Variants in ECD observed in about 807,000 individuals in gnomAD.
The protein encoded by ECD is protein ecdysoneless homolog.
ECD carries 59 observed loss-of-function variants against 77.2 expected under a neutral mutation model. The observed-to-expected ratio is 0.76, with a 90% confidence interval of 0.62 to 0.95. The LOEUF is 0.95. Among genes scored for constraint, ECD ranks in the 40% least tolerant of loss-of-function variants. The pLI is 0.00. For synonymous variants in ECD, 233 were observed against 267.4 expected, an observed-to-expected ratio of 0.87 and a Z score of 1.26; for missense variants, 704 against 763.4, an observed-to-expected ratio of 0.92 and a Z score of 0.92.
chr10:73,163,981 A>T (rs955673930), intron 1 of ECD, 31 bp from the exon 2 acceptor site: 2 of 1,575,934 alleles, frequency 1.3e-6, no homozygotes, highest in Admixed American at 3.4e-5. Context: ...TATAAACCAC[A>T]TAGAACAATG....
Position 73,139,690 on chromosome 10 carries a change from G to T in ECD, c.1175C>A (p.Thr392Lys). Residue 392 changes from threonine (T) to lysine (K), a missense_variant, in exon 10 of 14, where the codon ACA becomes AAA. This residue lies in a region of ECD where 559 missense variants were observed against 583.7 expected (regional missense o/e 0.96). Coordinates refer to ENST00000372979, the MANE Select transcript of ECD (RefSeq NM_007265.3). ...PGEEILTLLQ[T>K]IPFDIEDLKK... ...AAGGTCTTCTATATCAAATGGTATT[G>T]TCTGTAATAAGGTTAAGATTTCTTC... The T allele has an allele frequency of 6.2e-7, 1 of 1,610,960 alleles. No individual in the cohort carries two copies. The highest frequency in any genetic ancestry group is 1.3e-5 in the African/African-American group (1 of 74,694).
chr10:73,138,081 A>G lies in ECD; in HGVS notation c.1422-11T>C. 3 of 1,568,936 alleles carry G rather than the reference A, an allele frequency of 1.9e-6. No individual in the cohort carries two copies. Among genetic ancestry groups the G allele is most frequent in the Non-Finnish European group, 2.6e-6 (3 of 1,161,024 alleles). On this transcript the variant is annotated splice_polypyrimidine_tract_variant and intron_variant, in intron 11 of 13. Coordinates refer to ENST00000372979, the MANE Select transcript of ECD (RefSeq NM_007265.3). ...GCCTCAGAAGGTTCTCTGCAATATT[A>G]AAGGACAAAGACAATTAATTTATTC... is the stretch of plus-strand genomic sequence containing the variant.
chr10:73,155,308 C>T (rs1268282216), intron 5 of ECD, among the ~76,000 whole-genome samples: 1 of 151,984 alleles, frequency 6.6e-6, no homozygotes, highest in Non-Finnish European at 1.5e-5. Context: ...CCTTGTGATC[C>T]ACCCGCCCTG....
intron 12 of ECD, among the ~76,000 whole-genome samples, chr10:73,137,503 C>T (rs1249785886): frequency 1.3e-5 from 2 of 152,254 alleles, no homozygotes; most frequent in South Asian, 4.1e-4. Flanking sequence ...AGGCCGGGCA[C>T]GGTGGCTCAC....
intron 12 of ECD, among the ~76,000 whole-genome samples, chr10:73,137,528 C>G (rs1052110549): frequency 2.0e-5 from 3 of 152,126 alleles, no homozygotes; most frequent in African/African-American, 7.2e-5. Flanking sequence ...GTAATCCCAG[C>G]ACTTTGGTAG....
chr10:73,161,486 C>G (rs946096474), intron 2 of ECD, among the ~76,000 whole-genome samples: 14 of 152,090 alleles, frequency 9.2e-5, no homozygotes, highest in Non-Finnish European at 2.1e-4. Context: ...GAAACACAAC[C>G]TGTCAAGACT....
In ECD at chr10:73,154,244, T is replaced by C. The variant is rs760858573; in HGVS notation, c.783+12A>G. On this transcript the variant is annotated intron_variant, in intron 6 of 13. Transcript: ENST00000372979. Reference sequence around the variant, plus strand: ...AGTAAGAGAAACTAAATGACCAAGATAGAAATCTCACCGATGTCATTATTC... The same window carrying C: ...AGTAAGAGAAACTAAATGACCAAGACAGAAATCTCACCGATGTCATTATTC... 11 of 1,577,290 alleles carry C rather than the reference T, an allele frequency of 7.0e-6. No homozygotes were observed. Among genetic ancestry groups the C allele is most frequent in the Admixed American group, 3.8e-5 (2 of 52,880 alleles).
rs1843513104 is a variant in ECD at position 73,167,899 on chromosome 10, G to A, written c.-47C>T. On this transcript the variant is annotated 5_prime_UTR_variant, in exon 1 of 14. Coordinates refer to ENST00000372979, the MANE Select transcript of ECD (RefSeq NM_007265.3). ...GGCCTCTCCTTCGCGTCTCTGCTGT[G>A]GCACCTTTCCTTAGCCGCCTCTCCG... The A allele has an allele frequency of 1.0e-5, 2 of 193,732 alleles. No homozygotes were observed. The highest frequency in any genetic ancestry group is 1.9e-4 in the South Asian group (2 of 10,786). The allele number at this position is 193,732 out of a possible 1,614,324, so 12.0% of individuals were successfully genotyped here.
At chr10:73,145,923 G>T (rs537931238) in intron 9 of ECD, among the ~76,000 whole-genome samples, 1 of 152,022 alleles carries the variant, frequency 6.6e-6, no homozygotes, top group Non-Finnish European at 1.5e-5. Flanking sequence ...GATTACAGGC[G>T]TGAGCCACCG....
In ECD at chr10:73,134,431, CA is replaced by C; in HGVS notation, c.*151del. 1 of 729,976 alleles carries C rather than the reference CA, an allele frequency of 1.4e-6. No homozygotes were observed. The highest frequency in any genetic ancestry group is 2.2e-6 in the Non-Finnish European group (1 of 452,956). The allele number at this position is 729,976 out of a possible 1,614,324, so 45.2% of individuals were successfully genotyped here. On this transcript the variant is annotated 3_prime_UTR_variant, in exon 14 of 14. Coordinates refer to ENST00000372979, the MANE Select transcript of ECD (RefSeq NM_007265.3). ...CAGCTGAGATCACAAAGACTTGTGC[CA>C]AGAGGGCCACATTTGGGGCTCATGG... is the stretch of plus-strand genomic sequence containing the variant.
chr10:73,138,721 C>T lies in ECD; in HGVS notation c.1421+588G>A, dbSNP rs187030006. On this transcript the variant is annotated intron_variant, in intron 11 of 13. Coordinates refer to ENST00000372979, the MANE Select transcript of ECD (RefSeq NM_007265.3). ...AGCTGGGATTATAGGCGTGCGCCAC[C>T]ATACCCGGCTAATTTTTGTATTTTT... Among the ~76,000 whole-genome samples the T allele has an allele frequency of 1.8e-3, 279 of 152,240 alleles. 3 individuals are homozygous for T. The highest frequency in any genetic ancestry group is 6.4e-3 in the African/African-American group (265 of 41,536).
chr10:73,149,292 A>C (rs1337501039), intron 7 of ECD, among the ~76,000 whole-genome samples: 2 of 152,176 alleles, frequency 1.3e-5, no homozygotes, highest in Non-Finnish European at 2.9e-5. Flanking sequence ...TGCATTTTAA[A>C]TGTTGATGAA....
In ECD at chr10:73,154,341, T is replaced by C. The variant is rs1843266558; in HGVS notation, c.698A>G (p.Gln233Arg). The part of the protein sequence containing the change: ...QRPRLVAAAV[Q>R]AFYLRDPIDL... ...AATAGGGTCTCGTAGGTAAAATGCC[T>C]GGACTGCTGCAGCCACCAATCTGGG... Residue 233 changes from glutamine to arginine, a missense_variant, in exon 6 of 14, where the codon CAG becomes CGG. Physicochemically the swap from Gln to Arg is conservative, Grantham distance 43. Coordinates refer to ENST00000372979, the MANE Select transcript of ECD (RefSeq NM_007265.3). 1 of 1,614,034 alleles carries C rather than the reference T, an allele frequency of 6.2e-7. No individual in the cohort carries two copies. The highest frequency in any genetic ancestry group is 1.1e-5 in the South Asian group (1 of 91,082).
Position 73,167,854 on chromosome 10 carries a change from A to G in ECD, c.-14+12T>C. On this transcript the variant is annotated intron_variant, in intron 1 of 13. Coordinates refer to ENST00000372979, the MANE Select transcript of ECD (RefSeq NM_007265.3). Reference sequence around the variant, plus strand: ...TCCTGCCATCTAACAAAATGAAGCCAATTTCTCTTACGGTTCTAGGGCCTC... The same window carrying G: ...TCCTGCCATCTAACAAAATGAAGCCGATTTCTCTTACGGTTCTAGGGCCTC... The G allele has an allele frequency of 6.1e-6, 1 of 162,666 alleles. No individual in the cohort carries two copies. Among genetic ancestry groups the G allele is most frequent in the Non-Finnish European group, 1.3e-5 (1 of 74,988 alleles). 10.1% of individuals were successfully genotyped at this position (162,666 alleles called of 1,614,324 possible).
rs1209153911 is a variant in ECD at position 73,136,977 on chromosome 10, TTATTATTA to T, written c.1490-67_1490-60del. The stretch of plus-strand genomic sequence containing the variant: ...GTAATTATTATTATTATTATTATTA[TTATTATTA>T]TTTAGTTACTACACATCTCAAAATA... On this transcript the variant is annotated intron_variant, in intron 12 of 13. Transcript: ENST00000372979. The T allele has an allele frequency of 1.4e-4, 127 of 914,452 alleles. 2 individuals are homozygous for T. Among genetic ancestry groups the T allele is most frequent in the African/African-American group, 4.8e-4 (27 of 56,402 alleles). 56.6% of individuals were successfully genotyped at this position (914,452 alleles called of 1,614,324 possible).
At position 73,154,389 on chromosome 10, in the gene ECD, A is replaced by G; in HGVS notation, c.650T>C (p.Ile217Thr). ...HRAHCFLPAG[I>T]VAVLKQRPRL... ...GGGGCGCTGCTTTAGCACTGCCACA[A>G]TGCCAGCTGGAAGGAAGCAGTGTGC... The change falls in exon 6 of 14, where the codon ATT (isoleucine) becomes ACT (threonine). Residue 217 changes from isoleucine (I) to threonine (T), a missense_variant. Ile to Thr is a moderately conservative substitution (Grantham distance 89). Around this residue, in one of 3 missense-constraint regions of ECD, gnomAD observed 559 missense variants for 583.7 expected, o/e 0.96. Coordinates refer to ENST00000372979, the MANE Select transcript of ECD (RefSeq NM_007265.3). 15 of 1,614,052 alleles carry G rather than the reference A, an allele frequency of 9.3e-6. No homozygotes were observed. Among genetic ancestry groups the G allele is most frequent in the Middle Eastern group, 1.6e-4 (1 of 6,062 alleles).
At chr10:73,150,324 T>C (rs930420151) in intron 7 of ECD, among the ~76,000 whole-genome samples, 1 of 152,178 alleles carries the variant, frequency 6.6e-6, no homozygotes, top group Non-Finnish European at 1.5e-5. Flanking sequence ...TAGCCATATG[T>C]AGAAAGCTGA....
At chr10:73,152,225 G>T in intron 7 of ECD, 68 bp downstream of exon 7, 31 of 1,527,116 alleles carry the variant, frequency 2.0e-5, no homozygotes, top group East Asian at 9.6e-5. Context: ...TTTGTATATT[G>T]TGCCACTATT....
At chr10:73,159,146 C>T (rs1843341544) in intron 3 of ECD, among the ~76,000 whole-genome samples, 1 of 152,020 alleles carries the variant, frequency 6.6e-6, no homozygotes, top group Admixed American at 6.6e-5. Context: ...CTATTTTGTT[C>T]TGTTGGGAAA....
Sources: allele counts gnomAD v4.1 joint callset (sites outside exome capture counted in the v4.1 genomes callset), GRCh38; gene constraint gnomAD v4.1.1; regional missense constraint gnomAD v4.1.1; transcripts MANE v1.5; gene names NCBI Gene and HGNC (gene_info 2026-07-23, HGNC 2026-07-21).